DHRSX: variants seen among roughly 807,000 people sequenced by gnomAD.
DHRSX encodes the protein dehydrogenase/reductase X-linked.
Under a neutral mutation model 34.0 loss-of-function variants are expected in DHRSX, and 31 were observed. That is an observed-to-expected ratio of 0.91 (90% CI 0.69 to 1.23). The LOEUF (loss-of-function observed/expected upper bound fraction) is 1.23, where lower values mean the gene tolerates loss of function less well. Ranked by LOEUF, DHRSX falls within the 50% of genes most tolerant of loss-of-function variation. DHRSX has a pLI of 0.00. For synonymous variants in DHRSX, 201 were observed against 183.8 expected, an observed-to-expected ratio of 1.09 and a Z score of -0.76; for missense variants, 414 against 428.1, an observed-to-expected ratio of 0.97 and a Z score of 0.29.
At chrX:2,338,339 AT>A (rs1207035146) in intron 3 of DHRSX, among the ~76,000 whole-genome samples, 7 of 151,668 alleles carry the variant, frequency 4.6e-5, no homozygotes, top group African/African-American at 1.7e-4. Flanking sequence ...TTTCAAAAAA[AT>A]AAAATAAAAA....
At chrX:2,243,788 G>GATTTTTTTTTTTTTTTT (rs2016203187) in intron 5 of DHRSX, among the ~76,000 whole-genome samples, 1 of 25,168 alleles carries the variant, frequency 4.0e-5, no homozygotes. Context: ...TATGCTCCCT[G>GATTTTTTTTTTTTTTTT]TTTTTTTTTT....
chrX:2,461,506 G>A (rs1228762771), intron 1 of DHRSX, among the ~76,000 whole-genome samples: 2 of 152,186 alleles, frequency 1.3e-5, no homozygotes, highest in Non-Finnish European at 1.5e-5. Flanking sequence ...CTGAAATCCC[G>A]GCAGAACAAG....
intron 1 of DHRSX, among the ~76,000 whole-genome samples, chrX:2,460,056 C>T (rs1254276827): frequency 1.3e-5 from 2 of 152,048 alleles, no homozygotes; most frequent in Middle Eastern, 3.4e-3. Context: ...TGCAGTGAGC[C>T]GAGATCATGC....
intron 1 of DHRSX, chrX:2,489,261 C>T (rs2045052351): frequency 5.0e-6 from 8 of 1,613,924 alleles, no homozygotes; most frequent in Non-Finnish European, 4.2e-6. Flanking sequence ...CGCTCGAAGG[C>T]GGAGAGGAAG....
chrX:2,369,340 A>C (rs767036817), intron 3 of DHRSX, among the ~76,000 whole-genome samples: 2 of 152,322 alleles, frequency 1.3e-5, no homozygotes, highest in African/African-American at 4.8e-5. Flanking sequence ...AGAAGAAAAG[A>C]AAATGAGCAA....
At chrX:2,290,992 G>A (rs964421725) in intron 4 of DHRSX, among the ~76,000 whole-genome samples, 27 of 152,166 alleles carry the variant, frequency 1.8e-4, no homozygotes, top group Admixed American at 1.7e-3. Flanking sequence ...AGCACTCAGC[G>A]AGGCTCAAAG....
chrX:2,293,087 A>T (rs1307767048), intron 3 of DHRSX, among the ~76,000 whole-genome samples: 1 of 152,154 alleles, frequency 6.6e-6, no homozygotes, highest in African/African-American at 2.4e-5. Context: ...CCAGCCAAAG[A>T]TGACATTTTT....
intron 2 of DHRSX, among the ~76,000 whole-genome samples, chrX:2,420,645 A>G (rs1258816455): frequency 1.3e-5 from 2 of 151,210 alleles, no homozygotes; most frequent in Non-Finnish European, 2.9e-5. Context: ...CAGGAGGCTG[A>G]GGCAGCAGAA....
At chrX:2,354,294 G>A (rs979315346) in intron 3 of DHRSX, among the ~76,000 whole-genome samples, 7 of 152,168 alleles carry the variant, frequency 4.6e-5, no homozygotes, top group African/African-American at 1.7e-4. Context: ...AGTCATCACT[G>A]GATGGCCGTC....
intron 3 of DHRSX, among the ~76,000 whole-genome samples, chrX:2,366,676 C>T (rs2042997477): frequency 1.3e-5 from 2 of 152,090 alleles, no homozygotes; most frequent in Non-Finnish European, 1.5e-5. Flanking sequence ...CAGCTCACTG[C>T]AGCCTCCACC....
intron 6 of DHRSX, among the ~76,000 whole-genome samples, chrX:2,226,029 C>T (rs1415430990): frequency 2.0e-5 from 3 of 149,256 alleles, no homozygotes; most frequent in African/African-American, 4.9e-5. Context: ...GGGAGGAGCC[C>T]GCCCAGCCCA....
At chrX:2,417,539 G>A (rs1227245655) in intron 2 of DHRSX, among the ~76,000 whole-genome samples, 7 of 151,374 alleles carry the variant, frequency 4.6e-5, no homozygotes, top group African/African-American at 1.7e-4. Flanking sequence ...CTATCCACTA[G>A]GCCTCATCAT....
chrX:2,238,732 C>T (rs771845007), intron 6 of DHRSX, among the ~76,000 whole-genome samples: 9 of 151,280 alleles, frequency 5.9e-5, no homozygotes, highest in South Asian at 2.1e-4. Flanking sequence ...GACACACACG[C>T]GCCACCACAC....
At chrX:2,307,649 C>T (rs1197475946) in intron 3 of DHRSX, among the ~76,000 whole-genome samples, 4 of 151,564 alleles carry the variant, frequency 2.6e-5, no homozygotes, top group Admixed American at 6.6e-5. Context: ...CCTGTAGTCC[C>T]AGCTACTCAG....
intron 6 of DHRSX, among the ~76,000 whole-genome samples, chrX:2,233,459 T>G (rs1281397035): frequency 1.3e-5 from 2 of 151,958 alleles, no homozygotes; most frequent in Non-Finnish European, 2.9e-5. Flanking sequence ...GAACGCAGTG[T>G]GTTCCCTTTT....
rs767970529 is a variant in DHRSX, at chrX:2,451,479, A to C, written c.110-26175T>G. Among the ~76,000 whole-genome samples the C allele has an allele frequency of 6.6e-5, 10 of 152,312 alleles. No homozygotes were observed. In the South Asian group the frequency reaches 1.0e-3, roughly 16 times the overall value. ...TGATCTGGGTGGGGCTGGGAGCTGC[A>C]GTTCCAGAAAGCAAATGAAGCCTTG... On this transcript the variant is annotated intron_variant, in intron 1 of 6. Transcript: ENST00000334651.
rs1344407915 is a variant in DHRSX at position 2,411,778 on chromosome X, G to A, written c.218-2965C>T. On this transcript the variant is annotated intron_variant, in intron 2 of 6. Coordinates refer to ENST00000334651, the MANE Select transcript of DHRSX (RefSeq NM_145177.3). ...AAAAAAAAACAAAGGGAAACATGCC[G>A]GAAGCTGGGACGAAGTAAGATGGGA... Among the ~76,000 whole-genome samples, 20 of 151,634 alleles carry A rather than the reference G, an allele frequency of 1.3e-4. 1 individual carries two copies. The highest frequency in any genetic ancestry group is 2.5e-4 in the Non-Finnish European group (17 of 67,904).
intron 1 of DHRSX, among the ~76,000 whole-genome samples, chrX:2,439,109 C>A (rs2044032457): frequency 6.6e-6 from 1 of 150,428 alleles, no homozygotes. Flanking sequence ...CATGCCATTG[C>A]ACTCCAGCCT....
intron 3 of DHRSX, among the ~76,000 whole-genome samples, chrX:2,357,068 AC>A (rs1248053541): frequency 2.6e-5 from 4 of 151,922 alleles, no homozygotes; most frequent in African/African-American, 9.7e-5. Flanking sequence ...AGATGGTAAA[AC>A]CCCGTCTCTA....
Sources: gnomAD v4.1 joint callset for allele counts (sites outside exome capture counted in the v4.1 genomes callset) on GRCh38, gnomAD v4.1.1 for gene constraint, MANE v1.5 for transcripts, NCBI Gene and HGNC (gene_info 2026-07-23, HGNC 2026-07-21) for gene names.